HTR1F: variants seen among roughly 807,000 people sequenced by gnomAD.
HTR1F encodes 5-hydroxytryptamine (serotonin) receptor 1F, G protein-coupled.
A neutral mutation model predicts 24.0 loss-of-function variants in HTR1F; 17 were observed. The ratio of observed to expected loss-of-function variants is 0.71; its 90% CI spans 0.48 to 1.06. The LOEUF is 1.06. HTR1F is among the 50% of genes least tolerant of loss of function. The probability of loss-of-function intolerance (pLI) is 0.00; values close to 1 mark genes in which losing one functional copy is unlikely to be tolerated. For missense variants in HTR1F, 391 were observed against 427.8 expected (o/e 0.91, Z 0.76); for synonymous variants, 186 against 156.8 (o/e 1.19, Z -1.39).
At chr3:87,977,210 A>G (rs1317208415) in intron 2 of HTR1F, among the ~76,000 whole-genome samples, 1 of 152,132 alleles carries the variant, frequency 6.6e-6, no homozygotes, top group African/African-American at 2.4e-5. Context: ...GACTTATTTC[A>G]TAACTATTAT....
intron 2 of HTR1F, among the ~76,000 whole-genome samples, chr3:87,840,947 A>G (rs537069841): frequency 6.6e-6 from 1 of 152,056 alleles, no homozygotes; most frequent in African/African-American, 2.4e-5. Flanking sequence ...TGGACGGGAA[A>G]AGGGGAGATG....
intron 2 of HTR1F, among the ~76,000 whole-genome samples, chr3:87,850,213 G>A (rs148211308): frequency 0.032 from 4,839 of 152,024 alleles, 116 homozygotes; most frequent in Middle Eastern, 0.058. Context: ...CAGCCCAAAT[G>A]TCCAACAATG....
chr3:87,932,808 A>C (rs1373697278), intron 2 of HTR1F, among the ~76,000 whole-genome samples: 1 of 151,986 alleles, frequency 6.6e-6, no homozygotes, highest in Non-Finnish European at 1.5e-5. Flanking sequence ...TTCTAAAGCT[A>C]TTCCAATCAA....
At chr3:87,818,328 G>T (rs1704288269) in intron 1 of HTR1F, among the ~76,000 whole-genome samples, 1 of 152,164 alleles carries the variant, frequency 6.6e-6, no homozygotes, top group Admixed American at 6.5e-5. Flanking sequence ...TGACAGTGGA[G>T]CAGCTTCAGG....
At chr3:87,912,620 A>G (rs1274655106) in intron 2 of HTR1F, among the ~76,000 whole-genome samples, 1 of 120,912 alleles carries the variant, frequency 8.3e-6, no homozygotes, top group Non-Finnish European at 1.7e-5. Flanking sequence ...TGAATAGCCC[A>G]GGCAATCCTA....
At chr3:87,812,128 A>G (rs2107099807) in intron 1 of HTR1F, among the ~76,000 whole-genome samples, 1 of 152,338 alleles carries the variant, frequency 6.6e-6, no homozygotes, top group East Asian at 1.9e-4. Flanking sequence ...AAAATGGACT[A>G]GTACAGTTAA....
intron 2 of HTR1F, among the ~76,000 whole-genome samples, chr3:87,849,257 G>C (rs1416556018): frequency 6.6e-6 from 1 of 151,792 alleles, no homozygotes; most frequent in Non-Finnish European, 1.5e-5. Flanking sequence ...TACCAAAACA[G>C]AGATATAGAT....
chr3:87,935,608 A>AT (rs1704393537), intron 2 of HTR1F, among the ~76,000 whole-genome samples: 1 of 152,222 alleles, frequency 6.6e-6, no homozygotes, highest in Admixed American at 6.5e-5. Context: ...ACTGGATTAA[A>AT]TTTTCTATCT....
intron 2 of HTR1F, among the ~76,000 whole-genome samples, chr3:87,903,825 C>T (rs1351867805): frequency 6.6e-6 from 1 of 152,158 alleles, no homozygotes; most frequent in Admixed American, 6.6e-5. Context: ...TGCATGCACA[C>T]ATATGTTTAT....
chr3:87,978,706 A>AT (rs1559655874), intron 2 of HTR1F, among the ~76,000 whole-genome samples: 1 of 151,736 alleles, frequency 6.6e-6, no homozygotes, highest in Non-Finnish European at 1.5e-5. Context: ...TGAGTCCAGG[A>AT]TTTTTATAGG....
At chr3:87,955,188 C>T (rs1008073063) in intron 2 of HTR1F, among the ~76,000 whole-genome samples, 1 of 151,464 alleles carries the variant, frequency 6.6e-6, no homozygotes, top group Admixed American at 6.6e-5. Context: ...TAAGAGACTC[C>T]TCAGGTTTTT....
intron 2 of HTR1F, among the ~76,000 whole-genome samples, chr3:87,938,215 GGAA>G (rs1704475733): frequency 6.6e-6 from 1 of 152,124 alleles, no homozygotes; most frequent in African/African-American, 2.4e-5. Context: ...AAAGTACCTA[GGAA>G]TACAGCTAAC....
intron 2 of HTR1F, among the ~76,000 whole-genome samples, chr3:87,877,858 G>A (rs1453808690): frequency 6.6e-6 from 1 of 152,184 alleles, no homozygotes; most frequent in Non-Finnish European, 1.5e-5. Context: ...GGGGAAATGT[G>A]TAGCAAAGCT....
intron 2 of HTR1F, among the ~76,000 whole-genome samples, chr3:87,891,054 T>C (rs1706071173): frequency 6.6e-6 from 1 of 152,108 alleles, no homozygotes; most frequent in Non-Finnish European, 1.5e-5. Flanking sequence ...TTGGCCAGCC[T>C]GGTCTTGAAC....
chr3:87,913,841 A>G (rs1340678584), intron 2 of HTR1F, among the ~76,000 whole-genome samples: 1 of 152,148 alleles, frequency 6.6e-6, no homozygotes, highest in Non-Finnish European at 1.5e-5. Context: ...ACAGAAAACC[A>G]AATATCACAG....
In HTR1F at chr3:87,919,603, C is replaced by T. The variant is rs1213933078; in HGVS notation, c.-42-71105C>T. Reference sequence around the variant, plus strand: ...CAAAAGAAGATATACAAATGACCAACAAACATATGAAAAAATGTTCAACAT... The same window carrying T: ...CAAAAGAAGATATACAAATGACCAATAAACATATGAAAAAATGTTCAACAT... On this transcript the variant is annotated intron_variant, in intron 2 of 2. Transcript: ENST00000319595. 5.3e-5 allele frequency among the ~76,000 whole-genome samples: 8 copies of T among 151,916 alleles called. No homozygotes were observed. The East Asian group carries it at 1.5e-3, about 29-fold the overall frequency.
rs75377639 is a variant in HTR1F, at chr3:87,917,672, G to C, written c.-42-73036G>C. Among the ~76,000 whole-genome samples, 834 of 151,822 alleles carry C rather than the reference G, an allele frequency of 5.5e-3. 5 individuals are homozygous for C. Among genetic ancestry groups the C allele is most frequent in the African/African-American group, 0.019 (796 of 41,460 alleles). On this transcript the variant is annotated intron_variant, in intron 2 of 2. Transcript: ENST00000319595. Reference sequence around the variant, plus strand: ...TCTTAGCTTAAATCAGGAAGAATTAGATACCCTGAACAGATGAAAAACAAG... The same window carrying C: ...TCTTAGCTTAAATCAGGAAGAATTACATACCCTGAACAGATGAAAAACAAG...
chr3:87,843,562 G>A (rs1247499855), intron 2 of HTR1F, among the ~76,000 whole-genome samples: 4 of 147,972 alleles, frequency 2.7e-5, no homozygotes, highest in Non-Finnish European at 4.5e-5. Flanking sequence ...AAGTTTTAGG[G>A]TACATGTGCA....
At chr3:87,878,192 A>T (rs2107273275) in intron 2 of HTR1F, among the ~76,000 whole-genome samples, 2 of 152,252 alleles carry the variant, frequency 1.3e-5, no homozygotes, top group Middle Eastern at 6.8e-3. Flanking sequence ...TGCTTTGAAA[A>T]AGTTCAGCTG....
Sources: allele counts gnomAD v4.1 joint callset (sites outside exome capture counted in the v4.1 genomes callset), GRCh38; gene constraint gnomAD v4.1.1; transcripts MANE v1.5; gene names NCBI Gene and HGNC (gene_info 2026-07-23, HGNC 2026-07-21).